FHIP2A: variants seen among roughly 807,000 people sequenced by gnomAD.
FHIP2A encodes the protein FHF complex subunit HOOK interacting protein 2A.
Under a neutral mutation model 93.5 loss-of-function variants are expected in FHIP2A, and 46 were observed. That is an observed-to-expected ratio of 0.49 (90% CI 0.39 to 0.63). FHIP2A has a LOEUF of 0.63. Ranked by LOEUF, FHIP2A falls within the 20% of genes least tolerant of loss-of-function variation. The probability of loss-of-function intolerance (pLI) is 0.00; values close to 1 mark genes in which losing one functional copy is unlikely to be tolerated. For synonymous variants in FHIP2A, 332 were observed against 326.5 expected, an observed-to-expected ratio of 1.02 and a Z score of -0.18; for missense variants, 769 against 909.7, an observed-to-expected ratio of 0.85 and a Z score of 1.99.
At chr10:114,897,521 T>A (rs1282826415) in intron 16 of FHIP2A, among the ~76,000 whole-genome samples, 1 of 152,240 alleles carries the variant, frequency 6.6e-6, no homozygotes, top group Non-Finnish European at 1.5e-5. Context: ...TATATTCATT[T>A]GTATATTATA....
chr10:114,838,071 T>G (rs1054717878), intron 5 of FHIP2A, among the ~76,000 whole-genome samples: 3 of 152,222 alleles, frequency 2.0e-5, no homozygotes, highest in Non-Finnish European at 4.4e-5. Flanking sequence ...TGTATTTATT[T>G]TCATAAGAAA....
At position 114,836,179 on chromosome 10, in the gene FHIP2A, T is replaced by G; in HGVS notation, c.455T>G (p.Ile152Ser). 1 of 1,604,264 alleles carries G rather than the reference T, an allele frequency of 6.2e-7. No homozygotes were observed. The highest frequency in any genetic ancestry group is 8.5e-7 in the Non-Finnish European group (1 of 1,172,884). The change falls in exon 5 of 17, where the codon ATT becomes AGT. Residue 152 changes from isoleucine to serine, a missense_variant. Coordinates refer to ENST00000369248, the MANE Select transcript of FHIP2A (RefSeq NM_020940.4). ...GCAACACCAACAGAAAATGAAGAGA[T>G]TCAGTTTCTTTGCATTGTGTGTGCG... The part of the protein sequence containing the change: ...VLATPTENEE[I>S]QFLCIVCAKL...
At chr10:114,854,017 A>T (rs61868013) in intron 13 of FHIP2A, among the ~76,000 whole-genome samples, 1 of 152,206 alleles carries the variant, frequency 6.6e-6, no homozygotes, top group Non-Finnish European at 1.5e-5. Flanking sequence ...TTTTGTTTCA[A>T]TTCAAGTAAA....
At chr10:114,839,815 G>T (rs1437159009) in intron 5 of FHIP2A, among the ~76,000 whole-genome samples, 1 of 148,000 alleles carries the variant, frequency 6.8e-6, no homozygotes, top group Non-Finnish European at 1.5e-5. Flanking sequence ...CCAGGAGGCA[G>T]AGGTAGCAGT....
downstream of FHIP2A, chr10:114,864,797 C>A: frequency 1.6e-6 from 1 of 632,004 alleles, no homozygotes; most frequent in Non-Finnish European, 2.0e-6. Flanking sequence ...CTTTTTGCAC[C>A]CCCAGCACAC....
chr10:114,878,183 T>C lies in FHIP2A; in HGVS notation c.2192+16849T>C, dbSNP rs568738830. Among the ~76,000 whole-genome samples, 16 of 152,338 alleles carry C rather than the reference T, an allele frequency of 1.1e-4. No individual in the cohort carries two copies. The South Asian group carries it at 2.7e-3, about 26-fold the overall frequency. On this transcript the variant is annotated intron_variant, in intron 16 of 16. Coordinates refer to the FHIP2A transcript ENST00000369250. ...TCCTTTTTACCTTAACATTATAAGA[T>C]GACCATTTTCTTAGGGCTTAGAAAA...
chr10:114,898,722 CCTGA>C (rs2084012714), intron 16 of FHIP2A, among the ~76,000 whole-genome samples: 1 of 152,082 alleles, frequency 6.6e-6, no homozygotes, highest in South Asian at 2.1e-4. Context: ...CTGATTGCAG[CCTGA>C]CTGATACAAA....
At chr10:114,849,305 G>A (rs1241585019) in intron 13 of FHIP2A, among the ~76,000 whole-genome samples, 5 of 151,828 alleles carry the variant, frequency 3.3e-5, no homozygotes. Flanking sequence ...TTCTCCTACT[G>A]ATCCAAAACA....
chr10:114,839,108 G>C (rs1322686209), intron 5 of FHIP2A, among the ~76,000 whole-genome samples: 3 of 152,036 alleles, frequency 2.0e-5, no homozygotes, highest in Non-Finnish European at 1.5e-5. Flanking sequence ...TGAATCTTTA[G>C]GGAGACGCAG....
chr10:114,894,287 G>A (rs1461323452), intron 16 of FHIP2A, among the ~76,000 whole-genome samples: 2 of 151,782 alleles, frequency 1.3e-5, no homozygotes, highest in Non-Finnish European at 2.9e-5. Context: ...AGCTGGGCAT[G>A]GTGGCTCACG....
chr10:114,836,730 G>A (rs1015745841), intron 5 of FHIP2A, among the ~76,000 whole-genome samples: 10 of 152,078 alleles, frequency 6.6e-5, no homozygotes, highest in African/African-American at 2.4e-4. Context: ...CCAAATCATA[G>A]TTTATTTAAA....
chr10:114,894,793 AC>A (rs1237234302), intron 16 of FHIP2A, among the ~76,000 whole-genome samples: 7 of 136,006 alleles, frequency 5.1e-5, no homozygotes, highest in Non-Finnish European at 1.2e-4. Context: ...ATAAAATACA[AC>A]AAAAAAACTG....
chr10:114,845,298 C>T lies in FHIP2A; in HGVS notation c.1014-69C>T, dbSNP rs567918884. On this transcript the variant is annotated intron_variant, in intron 7 of 16. Coordinates refer to ENST00000369248, the MANE Select transcript of FHIP2A (RefSeq NM_020940.4). Reference sequence around the variant, plus strand: ...AGTGTGTTCATGTGCCTTCATTTTTCCATACATTCTGAATAGGGTCCATGC... The same window carrying T: ...AGTGTGTTCATGTGCCTTCATTTTTTCATACATTCTGAATAGGGTCCATGC... 1.4e-4 allele frequency: 120 copies of T among 844,634 alleles called. 1 individual carries two copies. The East Asian group carries it at 2.9e-3, about 21-fold the overall frequency. The allele number at this position is 844,634 out of a possible 1,614,324, so 52.3% of individuals were successfully genotyped here.
intron 16 of FHIP2A, among the ~76,000 whole-genome samples, chr10:114,874,579 TG>T (rs1364737793): frequency 1.3e-5 from 2 of 152,210 alleles, no homozygotes; most frequent in African/African-American, 4.8e-5. Flanking sequence ...CTTGGCTCAG[TG>T]CAACCTCCGC....
At chr10:114,845,990 AT>A (rs2083698296) in intron 8 of FHIP2A, 22 bp from the exon 9 acceptor site, 1 of 1,547,168 alleles carries the variant, frequency 6.5e-7, no homozygotes, top group Non-Finnish European at 8.8e-7. Flanking sequence ...AAAAAAAAAA[AT>A]GATGTTCCTA....
In FHIP2A at chr10:114,835,585, C is replaced by T. The variant is rs1338371561; in HGVS notation, c.343C>T (p.Leu115=). 2 of 1,613,280 alleles carry T rather than the reference C, an allele frequency of 1.2e-6. No homozygotes were observed. The highest frequency in any genetic ancestry group is 1.7e-6 in the Non-Finnish European group (2 of 1,179,468). Residue 115 remains leucine, a synonymous_variant, in exon 4 of 17, where the codon CTG becomes TTG. Coordinates refer to ENST00000369248, the MANE Select transcript of FHIP2A (RefSeq NM_020940.4). ...GGTTTTGGTTTTCTATACGAAACTT[C>T]TGGGAAGAATCCGGCAGCCACTACT... ...QQVLVFYTKL[L]GRIRQPLLPH... is the part of the protein sequence containing the mutation.
At chr10:114,859,419 G>T (rs1012555744) in intron 14 of FHIP2A, among the ~76,000 whole-genome samples, 1 of 152,206 alleles carries the variant, frequency 6.6e-6, no homozygotes, top group Non-Finnish European at 1.5e-5. Flanking sequence ...TTTGCAGGTT[G>T]TTCAGTGGCT....
At chr10:114,884,331 C>T (rs374117400) in intron 16 of FHIP2A, among the ~76,000 whole-genome samples, 1 of 152,096 alleles carries the variant, frequency 6.6e-6, no homozygotes, top group African/African-American at 2.4e-5. Flanking sequence ...GTTTCTATAA[C>T]GTTATTAGAA....
chr10:114,823,450 T>C (rs1318344400), intron 1 of FHIP2A, among the ~76,000 whole-genome samples: 1 of 151,970 alleles, frequency 6.6e-6, no homozygotes, highest in African/African-American at 2.4e-5. Context: ...ATTTAAATTT[T>C]GTTTTCTTTA....
Sources: gnomAD v4.1 joint callset for allele counts (sites outside exome capture counted in the v4.1 genomes callset) on GRCh38, gnomAD v4.1.1 for gene constraint, MANE v1.5 for transcripts, NCBI Gene and HGNC (gene_info 2026-07-23, HGNC 2026-07-21) for gene names.